The following PC variants were observed in gnomAD, a reference collection of about 807,000 sequenced individuals.
The protein encoded by PC is pyruvate carboxylase, mitochondrial.
A neutral mutation model predicts 107.8 loss-of-function variants in PC; 46 were observed. That is an observed-to-expected ratio of 0.43 (90% CI 0.34 to 0.55). The LOEUF is 0.55. Among genes scored for constraint, PC ranks in the 20% least tolerant of loss-of-function variants. The pLI, the probability that PC is intolerant of heterozygous loss-of-function variation, is 0.04. For synonymous variants in PC, 662 were observed against 684.7 expected, an observed-to-expected ratio of 0.97 and a Z score of 0.52; for missense variants, 1,241 against 1,643.1, an observed-to-expected ratio of 0.76 and a Z score of 4.23.
chr11:66,932,020 A>G, intron 3 of PC, among the ~76,000 whole-genome samples: 1 of 147,116 alleles, frequency 6.8e-6, no homozygotes, highest in Non-Finnish European at 1.5e-5. Context: ...CTCTGTCTCA[A>G]AAAAAAAAAA....
chr11:66,924,368 C>CAAAAAAAAAA (rs1948664294), intron 3 of PC, among the ~76,000 whole-genome samples: 1 of 8,354 alleles, frequency 1.2e-4, no homozygotes, highest in African/African-American at 2.8e-4. Flanking sequence ...CCCATCTCTA[C>CAAAAAAAAAA]CAAAAAAAAA....
Position 66,871,589 on chromosome 11 carries a change from G to A in PC, c.321+98C>T, listed in dbSNP as rs1252516143. ...GAGCTGCATCCGTTTACCCACCCAC[G>A]CACAGAGGCGCTGAGCACGCCAGCC... On this transcript the variant is annotated intron_variant, in intron 5 of 22. Coordinates refer to ENST00000393960, the MANE Select transcript of PC (RefSeq NM_001040716.2). This position sits in a 1 kb window ranked among gnomAD's most constrained non-coding sequence, Gnocchi z 7.4. The A allele has an allele frequency of 1.5e-5, 23 of 1,573,348 alleles. No homozygotes were observed. In the Admixed American group the frequency reaches 3.4e-4, roughly 23 times the overall value.
At chr11:66,914,445 A>T (rs1423774862) in intron 3 of PC, among the ~76,000 whole-genome samples, 4 of 151,710 alleles carry the variant, frequency 2.6e-5, no homozygotes, top group African/African-American at 4.8e-5. Flanking sequence ...TGGGAGGCAG[A>T]GTTTGCAGTG....
At chr11:66,930,678 G>C (rs1193613226) in intron 3 of PC, among the ~76,000 whole-genome samples, 1 of 150,842 alleles carries the variant, frequency 6.6e-6, no homozygotes, top group East Asian at 2.0e-4. Flanking sequence ...GGAGTCAGAG[G>C]TTGTAGTGAG....
chr11:66,876,761 C>T (rs1008197816), intron 3 of PC, among the ~76,000 whole-genome samples: 2 of 152,210 alleles, frequency 1.3e-5, no homozygotes, highest in Non-Finnish European at 2.9e-5. Context: ...AAATCTCACC[C>T]TCCTCCTGGG....
intron 3 of PC, among the ~76,000 whole-genome samples, chr11:66,915,114 G>GA (rs1948434602): frequency 2.1e-5 from 3 of 143,768 alleles, no homozygotes; most frequent in South Asian, 5.0e-4. Context: ...AAGGCAAACA[G>GA]ACAGCTCCAG....
chr11:66,867,472 G>A (rs991322408), intron 10 of PC, among the ~76,000 whole-genome samples: 8 of 152,210 alleles, frequency 5.3e-5, no homozygotes, highest in East Asian at 3.8e-4. Context: ...GGATTTCCCC[G>A]TGTTCTTGCT....
chr11:66,882,825 A>G (rs927561778), intron 3 of PC, among the ~76,000 whole-genome samples: 4 of 150,984 alleles, frequency 2.6e-5, no homozygotes, highest in Non-Finnish European at 5.9e-5. Flanking sequence ...GGCAGCCAAG[A>G]GGGACAGATG....
intron 3 of PC, among the ~76,000 whole-genome samples, chr11:66,917,468 C>G (rs1948489627): frequency 6.6e-6 from 1 of 152,098 alleles, no homozygotes; most frequent in Non-Finnish European, 1.5e-5. Context: ...CTTTTTCCTA[C>G]CTAGGATGGA....
At chr11:66,854,994 T>A (rs147222607) in intron 12 of PC, among the ~76,000 whole-genome samples, 1 of 152,390 alleles carries the variant, frequency 6.6e-6, no homozygotes, top group East Asian at 1.9e-4. Context: ...GCCTTCGCCC[T>A]GTCCTCACAC....
At chr11:66,888,775 G>A (rs1947462150) in intron 3 of PC, among the ~76,000 whole-genome samples, 1 of 152,132 alleles carries the variant, frequency 6.6e-6, no homozygotes, top group South Asian at 2.1e-4. Flanking sequence ...TTAACTTAAT[G>A]TTAACAATGT....
At chr11:66,946,706 T>C (rs1425221130) in intron 3 of PC, among the ~76,000 whole-genome samples, 2 of 152,074 alleles carry the variant, frequency 1.3e-5, no homozygotes, top group Non-Finnish European at 2.9e-5. Flanking sequence ...GGAGGATCGC[T>C]TGAGCATGGG....
intron 3 of PC, among the ~76,000 whole-genome samples, chr11:66,881,509 C>T (rs1457486941): frequency 1.3e-5 from 2 of 152,246 alleles, no homozygotes; most frequent in Non-Finnish European, 2.9e-5. Flanking sequence ...GCACCTACGA[C>T]GACCTGCAGG....
intron 11 of PC, among the ~76,000 whole-genome samples, 195 bp downstream of exon 11, chr11:66,865,992 C>A (rs1477348726): frequency 1.3e-5 from 2 of 152,208 alleles, no homozygotes; most frequent in Non-Finnish European, 2.9e-5. Flanking sequence ...GGGCGCCCAG[C>A]AGTCTCTTCC....
intron 3 of PC, among the ~76,000 whole-genome samples, chr11:66,923,358 G>A (rs1948638582): frequency 7.2e-6 from 1 of 139,358 alleles, no homozygotes; most frequent in Non-Finnish European, 1.5e-5. Flanking sequence ...TCTAGCCTGG[G>A]AGATAGAGCG....
At chr11:66,850,961 A>G (rs1412608260) in intron 17 of PC, 38 bp from the exon 18 acceptor site, 2 of 1,607,792 alleles carry the variant, frequency 1.2e-6, no homozygotes, top group East Asian at 2.2e-5. Context: ...GAGATGGTAG[A>G]GAGGGCAGGA....
At chr11:66,946,060 T>C (rs1591314407) in intron 3 of PC, among the ~76,000 whole-genome samples, 1 of 130,170 alleles carries the variant, frequency 7.7e-6, no homozygotes, top group Non-Finnish European at 1.5e-5. Flanking sequence ...CAGTCCGCAG[T>C]CCGGCCTGGG....
At chr11:66,850,977 G>A (rs1012703684) in intron 17 of PC, 54 bp from the exon 18 acceptor site, 2 of 1,608,588 alleles carry the variant, frequency 1.2e-6, no homozygotes, top group Non-Finnish European at 1.7e-6. Context: ...CAGGATGTGT[G>A]CCTGTGGGTG....
At chr11:66,900,861 A>G (rs1025691856) in intron 3 of PC, among the ~76,000 whole-genome samples, 3 of 152,172 alleles carry the variant, frequency 2.0e-5, no homozygotes, top group Admixed American at 6.6e-5. Flanking sequence ...TGCTGAACTC[A>G]TTTAATTCAA....
Sources: allele counts gnomAD v4.1 joint callset (sites outside exome capture counted in the v4.1 genomes callset), GRCh38; gene constraint gnomAD v4.1.1; non-coding constraint Gnocchi (gnomAD v3.1); transcripts MANE v1.5; gene names NCBI Gene and HGNC (gene_info 2026-07-23, HGNC 2026-07-21).